Variants in SLC17A8 observed in about 807,000 individuals in gnomAD.
The protein encoded by SLC17A8 is solute carrier family 17 member 8, also known as vesicular glutamate transporter 3.
A neutral mutation model predicts 58.0 loss-of-function variants in SLC17A8; 31 were observed. That is an observed-to-expected ratio of 0.53 (90% CI 0.40 to 0.72). The LOEUF (loss-of-function observed/expected upper bound fraction) is 0.72, where lower values mean the gene tolerates loss of function less well. SLC17A8 is among the 30% of genes least tolerant of loss of function. The pLI is 0.00. For synonymous variants in SLC17A8, 228 were observed against 249.0 expected (o/e 0.92, Z 0.79); for missense variants, 655 against 727.8 (o/e 0.90, Z 1.15).
intron 1 of SLC17A8, among the ~76,000 whole-genome samples, chr12:100,363,797 T>G (rs1592985786): frequency 6.6e-6 from 1 of 151,958 alleles, no homozygotes; most frequent in African/African-American, 2.4e-5. Flanking sequence ...TCCCAGCACT[T>G]TGGGAGGCCA....
intron 8 of SLC17A8, 23 bp from the exon 9 acceptor site, chr12:100,404,015 C>A (rs758907470): frequency 2.6e-5 from 42 of 1,613,868 alleles, no homozygotes; most frequent in Admixed American, 3.3e-5. Flanking sequence ...TGACAAACTG[C>A]TTACTGTTTC....
intron 5 of SLC17A8, among the ~76,000 whole-genome samples, chr12:100,401,264 G>A (rs992814080): frequency 5.3e-5 from 8 of 151,204 alleles, no homozygotes; most frequent in African/African-American, 9.7e-5. Flanking sequence ...CTCCCAAAGT[G>A]TTAGGATTAC....
At chr12:100,413,752 G>A (rs1952887342) in intron 10 of SLC17A8, among the ~76,000 whole-genome samples, 1 of 152,166 alleles carries the variant, frequency 6.6e-6, no homozygotes, top group South Asian at 2.1e-4. Flanking sequence ...GAGACGAATG[G>A]ATCACTTGAG....
At chr12:100,389,877 G>A (rs1020963606) in intron 2 of SLC17A8, among the ~76,000 whole-genome samples, 3 of 151,780 alleles carry the variant, frequency 2.0e-5, no homozygotes, top group African/African-American at 7.3e-5. Flanking sequence ...CTGGAGTGTA[G>A]TGGTGTGATC....
chr12:100,359,687 T>C (rs891722476), intron 1 of SLC17A8, among the ~76,000 whole-genome samples: 2 of 152,198 alleles, frequency 1.3e-5, no homozygotes, highest in South Asian at 4.1e-4. Context: ...GTGATCCAAG[T>C]TGATCCTCAG....
chr12:100,357,130 T>TA lies in SLC17A8; in HGVS notation c.-262_-261insA, dbSNP rs1952451544. 3 of 421,534 alleles carry TA rather than the reference T, an allele frequency of 7.1e-6. No homozygotes were observed. The highest frequency in any genetic ancestry group is 4.1e-5 in the African/African-American group (2 of 49,064). 26.1% of individuals were successfully genotyped at this position (421,534 alleles called of 1,614,324 possible). A position where few individuals can be genotyped will look rare whatever the true frequency, so the allele number is the denominator to read the frequency against. On this transcript the variant is annotated 5_prime_UTR_variant, in exon 1 of 12. Coordinates refer to ENST00000323346, the MANE Select transcript of SLC17A8 (RefSeq NM_139319.3). ...ACAGGCTGCTGCAGAGCGTGCAGCT[T>TA]TTGCAAGGGACTGAATTCCCAGCCA...
chr12:100,377,930 AT>A (rs1176405998), intron 1 of SLC17A8, among the ~76,000 whole-genome samples: 1 of 152,202 alleles, frequency 6.6e-6, no homozygotes, highest in African/African-American at 2.4e-5. Context: ...AAGTAGCAAA[AT>A]TGTCATTACT....
At chr12:100,413,651 T>C (rs1426027550) in intron 10 of SLC17A8, among the ~76,000 whole-genome samples, 1 of 152,192 alleles carries the variant, frequency 6.6e-6, no homozygotes, top group African/African-American at 2.4e-5. Context: ...GAAATTTAGT[T>C]GTTTGTCTAT....
intron 3 of SLC17A8, among the ~76,000 whole-genome samples, chr12:100,391,868 C>T (rs1000323809): frequency 4.6e-5 from 7 of 152,250 alleles, no homozygotes; most frequent in Middle Eastern, 3.4e-3. Context: ...AGGTTAATAT[C>T]ACCCAGTACC....
intron 2 of SLC17A8, among the ~76,000 whole-genome samples, chr12:100,383,771 A>G (rs867675706): frequency 4.0e-5 from 6 of 151,444 alleles, no homozygotes; most frequent in Admixed American, 6.6e-5. Context: ...TGGTGTGATC[A>G]TAGTTCACCG....
At chr12:100,407,591 TTTTG>T (rs1329322623) in intron 9 of SLC17A8, among the ~76,000 whole-genome samples, 3 of 133,938 alleles carry the variant, frequency 2.2e-5, no homozygotes, top group African/African-American at 7.6e-5. Context: ...TATATATTTT[TTTTG>T]TTTGTTTGTT....
intron 9 of SLC17A8, among the ~76,000 whole-genome samples, chr12:100,408,365 C>A (rs1056448801): frequency 1.3e-5 from 2 of 152,284 alleles, no homozygotes; most frequent in Non-Finnish European, 1.5e-5. Context: ...CAAAGTGTAA[C>A]TGAGGTCAAA....
chr12:100,383,008 G>T (rs1308587047), intron 2 of SLC17A8, among the ~76,000 whole-genome samples: 2 of 152,124 alleles, frequency 1.3e-5, no homozygotes, highest in Non-Finnish European at 2.9e-5. Flanking sequence ...TGTCTTTTGT[G>T]GGGTGTGGGG....
chr12:100,412,592 T>TAAAA (rs57500563), intron 9 of SLC17A8, among the ~76,000 whole-genome samples, 178 bp from the exon 10 acceptor site: 1 of 72,066 alleles, frequency 1.4e-5, no homozygotes, highest in Non-Finnish European at 3.1e-5. Flanking sequence ...CAAGTAAAGT[T>TAAAA]AAAAAAAAAA....
intron 2 of SLC17A8, among the ~76,000 whole-genome samples, chr12:100,387,931 A>G (rs947645072): frequency 2.6e-5 from 4 of 152,164 alleles, no homozygotes; most frequent in African/African-American, 4.8e-5. Flanking sequence ...AAATTTTCCA[A>G]TGGTTTTCAT....
rs977802365 is a variant in SLC17A8 at position 100,374,896 on chromosome 12, G to T, written c.102-5805G>T. 2.0e-4 allele frequency among the ~76,000 whole-genome samples: 30 copies of T among 152,150 alleles called. 1 individual carries two copies. Among genetic ancestry groups the T allele is most frequent in the African/African-American group, 6.7e-4 (28 of 41,530 alleles). ...ATATCCCATCTCCAACTGGAGAGCT[G>T]CTGTGAGGGGCTGGCTTCAGGTCAG... On this transcript the variant is annotated intron_variant, in intron 1 of 11. Coordinates refer to ENST00000323346, the MANE Select transcript of SLC17A8 (RefSeq NM_139319.3).
chr12:100,372,620 G>T (rs1952566061), intron 1 of SLC17A8, among the ~76,000 whole-genome samples: 2 of 152,194 alleles, frequency 1.3e-5, no homozygotes, highest in Admixed American at 1.3e-4. Flanking sequence ...CCTAAATATA[G>T]CCACATTTGG....
chr12:100,390,503 C>A (rs959326005), intron 2 of SLC17A8, among the ~76,000 whole-genome samples: 3 of 151,910 alleles, frequency 2.0e-5, no homozygotes, highest in Non-Finnish European at 2.9e-5. Context: ...CCCGCCACCA[C>A]GCCCGGCTAA....
chr12:100,383,792 C>T (rs1952654109), intron 2 of SLC17A8, among the ~76,000 whole-genome samples: 1 of 152,004 alleles, frequency 6.6e-6, no homozygotes, highest in East Asian at 1.9e-4. Flanking sequence ...CAGCCTTGAC[C>T]TCCTGGGCTT....
Sources: allele counts gnomAD v4.1 joint callset (sites outside exome capture counted in the v4.1 genomes callset), GRCh38; gene constraint gnomAD v4.1.1; transcripts MANE v1.5; gene names NCBI Gene and HGNC (gene_info 2026-07-23, HGNC 2026-07-21).